Variants in CTNNA2 observed in about 807,000 individuals in gnomAD.
CTNNA2 encodes the protein catenin alpha 2.
In CTNNA2, 42 loss-of-function variants were observed where a neutral mutation model predicts 101.0. The ratio of observed to expected loss-of-function variants is 0.42; its 90% CI spans 0.32 to 0.54. CTNNA2 has a LOEUF of 0.54. Ranked by LOEUF, CTNNA2 falls within the 20% of genes least tolerant of loss-of-function variation. The probability of loss-of-function intolerance (pLI) is 0.14; values close to 1 mark genes in which losing one functional copy is unlikely to be tolerated. For synonymous variants in CTNNA2, 450 were observed against 456.4 expected, an observed-to-expected ratio of 0.99 and a Z score of 0.18; for missense variants, 871 against 1,223.1, an observed-to-expected ratio of 0.71 and a Z score of 4.29.
At chr2:80,131,659 A>T (rs73940958) in intron 7 of CTNNA2, among the ~76,000 whole-genome samples, 5,159 of 152,142 alleles carry the variant, frequency 0.034, 257 homozygotes, top group African/African-American at 0.11. Flanking sequence ...CATGGCTCTG[A>T]TTTTTTTCCA....
At chr2:80,519,304 A>C (rs1689340544) in intron 9 of CTNNA2, among the ~76,000 whole-genome samples, 1 of 152,184 alleles carries the variant, frequency 6.6e-6, no homozygotes, top group Non-Finnish European at 1.5e-5. Context: ...GTGCTGATGA[A>C]ACAATAAAAC....
intron 3 of CTNNA2, among the ~76,000 whole-genome samples, chr2:79,788,447 G>C (rs1220773490): frequency 1.3e-5 from 2 of 152,090 alleles, no homozygotes; most frequent in East Asian, 1.9e-4. Context: ...TAATGAATTT[G>C]AATAAATTCA....
intron 7 of CTNNA2, among the ~76,000 whole-genome samples, chr2:80,010,136 G>A (rs72813768): frequency 0.02 from 3,073 of 152,116 alleles, 44 homozygotes; most frequent in Non-Finnish European, 0.032. Context: ...TCTTTTATCC[G>A]TGAGCAGAGT....
At chr2:79,455,239 A>G (rs1447706078) in intron 4 of CTNNA2, among the ~76,000 whole-genome samples, 1 of 152,198 alleles carries the variant, frequency 6.6e-6, no homozygotes, top group East Asian at 1.9e-4. Flanking sequence ...AATCGAGAAC[A>G]CAGGGATGTT....
At chr2:79,301,003 C>T (rs1418221017) in intron 2 of CTNNA2, among the ~76,000 whole-genome samples, 1 of 152,156 alleles carries the variant, frequency 6.6e-6, no homozygotes, top group Non-Finnish European at 1.5e-5. Context: ...TCTTTGACTG[C>T]TTTGCTCTCT....
At chr2:80,635,011 T>C (rs1672722310) in intron 18 of CTNNA2, among the ~76,000 whole-genome samples, 1 of 152,108 alleles carries the variant, frequency 6.6e-6, no homozygotes, top group African/African-American at 2.4e-5. Context: ...TACGGATGCT[T>C]AGATCATTCT....
chr2:80,619,643 G>A (rs1404219042), intron 18 of CTNNA2, among the ~76,000 whole-genome samples: 6 of 151,828 alleles, frequency 4.0e-5, no homozygotes, highest in Non-Finnish European at 7.4e-5. Context: ...GAATCAGTGG[G>A]CCCTTCTAAA....
At chr2:80,483,274 T>A (rs761108231) in intron 9 of CTNNA2, among the ~76,000 whole-genome samples, 5 of 151,866 alleles carry the variant, frequency 3.3e-5, no homozygotes, top group African/African-American at 4.8e-5. Flanking sequence ...CCAGAAAAAG[T>A]GTACATGTTT....
intron 4 of CTNNA2, among the ~76,000 whole-genome samples, chr2:79,432,166 T>G (rs1678665578): frequency 6.6e-6 from 1 of 152,194 alleles, no homozygotes; most frequent in South Asian, 2.1e-4. Context: ...AATAAATTTC[T>G]TCAAAAGCTC....
intron 9 of CTNNA2, among the ~76,000 whole-genome samples, chr2:80,491,599 G>T (rs1016494247): frequency 5.3e-5 from 8 of 152,192 alleles, no homozygotes; most frequent in African/African-American, 1.7e-4. Context: ...ACAAAGGAGA[G>T]AAATAAGAGG....
chr2:79,963,026 G>A (rs1689762686), intron 7 of CTNNA2, among the ~76,000 whole-genome samples: 1 of 131,682 alleles, frequency 7.6e-6, no homozygotes, highest in Admixed American at 9.2e-5. Context: ...AGCTGAGATT[G>A]CGCCACTGCA....
At chr2:79,469,782 A>G (rs904890423) in intron 4 of CTNNA2, among the ~76,000 whole-genome samples, 36 of 152,350 alleles carry the variant, frequency 2.4e-4, no homozygotes, top group Admixed American at 9.8e-4. Context: ...CAAAAACCAC[A>G]TGATTATCTC....
chr2:80,310,270 A>G (rs1322359935), intron 7 of CTNNA2, among the ~76,000 whole-genome samples: 2 of 152,228 alleles, frequency 1.3e-5, no homozygotes, highest in African/African-American at 2.4e-5. Flanking sequence ...AACACTTAGA[A>G]TGGAAAGTCT....
At chr2:79,870,999 A>G (rs1421301128) in intron 5 of CTNNA2, among the ~76,000 whole-genome samples, 1 of 152,194 alleles carries the variant, frequency 6.6e-6, no homozygotes, top group Non-Finnish European at 1.5e-5. Flanking sequence ...CTGTTTGCTC[A>G]CTGGATACCT....
chr2:79,955,629 A>G (rs547867332), intron 7 of CTNNA2, among the ~76,000 whole-genome samples: 67 of 152,274 alleles, frequency 4.4e-4, no homozygotes, highest in Admixed American at 7.8e-4. Context: ...CACAGCCTTG[A>G]CCTTCCAGGC....
At chr2:79,969,946 G>A (rs1016464799) in intron 7 of CTNNA2, among the ~76,000 whole-genome samples, 4 of 152,118 alleles carry the variant, frequency 2.6e-5, no homozygotes, top group African/African-American at 7.2e-5. Context: ...AGGTGGAGGA[G>A]GTAGAAATAA....
chr2:80,392,119 G>A (rs955170595), intron 7 of CTNNA2, among the ~76,000 whole-genome samples: 2 of 152,292 alleles, frequency 1.3e-5, no homozygotes, highest in Admixed American at 6.5e-5. Flanking sequence ...GTCACGGAAA[G>A]AGAACATTTA....
intron 9 of CTNNA2, among the ~76,000 whole-genome samples, chr2:80,530,251 T>TCTGCC (rs1265249950): frequency 2.0e-5 from 3 of 152,150 alleles, no homozygotes; most frequent in Non-Finnish European, 4.4e-5. Context: ...CCGGCACTGC[T>TCTGCC]CTGCCCTGCT....
chr2:79,921,592 T>C (rs1686655862), intron 7 of CTNNA2, among the ~76,000 whole-genome samples: 1 of 152,210 alleles, frequency 6.6e-6, no homozygotes, highest in Non-Finnish European at 1.5e-5. Context: ...TACTTTTCCA[T>C]TTATAAAAGG....
Sources: allele counts gnomAD v4.1 joint callset (sites outside exome capture counted in the v4.1 genomes callset), GRCh38; gene constraint gnomAD v4.1.1; transcripts MANE v1.5; gene names NCBI Gene and HGNC (gene_info 2026-07-23, HGNC 2026-07-21).